Variants in NAALADL2 observed in about 807,000 individuals in gnomAD.
NAALADL2 encodes the protein inactive N-acetylated-alpha-linked acidic dipeptidase-like protein 2.
A neutral mutation model predicts 87.2 loss-of-function variants in NAALADL2; 76 were observed. The observed-to-expected ratio is 0.87, with a 90% CI of 0.72 to 1.05. The LOEUF is 1.05. Ranked by LOEUF, NAALADL2 falls within the 50% of genes least tolerant of loss-of-function variation. The pLI is 0.00. For synonymous variants in NAALADL2, 354 were observed against 331.0 expected (o/e 1.07, Z -0.75); for missense variants, 1,089 against 945.8 (o/e 1.15, Z -1.99).
At chr3:175,297,806 A>G (rs1411024440) in intron 4 of NAALADL2, among the ~76,000 whole-genome samples, 2 of 152,182 alleles carry the variant, frequency 1.3e-5, no homozygotes, top group East Asian at 1.9e-4. Context: ...GTAGGTTGGA[A>G]TAAGTTAACT....
intron 11 of NAALADL2, among the ~76,000 whole-genome samples, chr3:175,664,847 T>C (rs561953072): frequency 2.6e-5 from 4 of 152,286 alleles, no homozygotes; most frequent in African/African-American, 7.2e-5. Context: ...TGATTTTTTT[T>C]CCTATCAAAT....
At chr3:175,374,343 C>T (rs1230357411) in intron 5 of NAALADL2, among the ~76,000 whole-genome samples, 2 of 151,490 alleles carry the variant, frequency 1.3e-5, no homozygotes, top group African/African-American at 2.4e-5. Context: ...CATTTGAGAT[C>T]AGGAGTTCAA....
intron 11 of NAALADL2, among the ~76,000 whole-genome samples, chr3:175,645,253 C>A (rs1729838914): frequency 6.6e-6 from 1 of 151,944 alleles, no homozygotes; most frequent in Non-Finnish European, 1.5e-5. Flanking sequence ...GCCTCACATC[C>A]CGACTCAAAA....
chr3:175,317,103 A>G (rs895929344), intron 4 of NAALADL2, among the ~76,000 whole-genome samples: 3 of 152,098 alleles, frequency 2.0e-5, no homozygotes, highest in Non-Finnish European at 4.4e-5. Context: ...ATTACACCCT[A>G]TTGCTTAATT....
intron 2 of NAALADL2, among the ~76,000 whole-genome samples, chr3:175,159,988 T>C (rs1398868341): frequency 2.9e-5 from 4 of 137,574 alleles, no homozygotes; most frequent in Admixed American, 7.6e-5. Flanking sequence ...AGGCGTGTGC[T>C]ACCACTCGTG....
rs1576884383 is a variant in NAALADL2 at position 175,805,606 on chromosome 3, A to G, written c.*2403A>G. On this transcript the variant is annotated 3_prime_UTR_variant, in exon 14 of 14. Coordinates refer to ENST00000454872, the MANE Select transcript of NAALADL2 (RefSeq NM_207015.3). Reference sequence around the variant, plus strand: ...CACTCCCCTCCCCTCCCCACCCCCAATAGATTCAAATAAATAAAATCCTGA... The same window carrying G: ...CACTCCCCTCCCCTCCCCACCCCCAGTAGATTCAAATAAATAAAATCCTGA... The G allele has an allele frequency of 6.6e-6, 1 of 151,834 alleles. No individual in the cohort carries two copies. The highest frequency in any genetic ancestry group is 1.9e-4 in the East Asian group (1 of 5,140). 9.4% of individuals were successfully genotyped at this position (151,834 alleles called of 1,614,324 possible). A position where few individuals can be genotyped will look rare whatever the true frequency, so the allele number is the denominator to read the frequency against.
chr3:174,882,725 A>T (rs1336017628), intron 1 of NAALADL2, among the ~76,000 whole-genome samples: 1 of 143,282 alleles, frequency 7.0e-6, no homozygotes, highest in Non-Finnish European at 1.5e-5. Flanking sequence ...ATATATGTGT[A>T]TATGTGTATC....
chr3:175,111,338 T>C (rs1168852743), intron 2 of NAALADL2, among the ~76,000 whole-genome samples: 1 of 151,718 alleles, frequency 6.6e-6, no homozygotes, highest in Non-Finnish European at 1.5e-5. Flanking sequence ...TTCCAGAATC[T>C]GTACTTAAGC....
chr3:175,132,683 A>C (rs2108649569), intron 2 of NAALADL2, among the ~76,000 whole-genome samples: 1 of 121,676 alleles, frequency 8.2e-6, no homozygotes, highest in African/African-American at 3.5e-5. Context: ...TCCCTCCCGG[A>C]CGGGGCAGCT....
chr3:174,605,534 G>C (rs143216443), intron 2 of NAALADL2, among the ~76,000 whole-genome samples: 2,545 of 152,274 alleles, frequency 0.017, 82 homozygotes, highest in African/African-American at 0.057. Context: ...CTGGCTCGGA[G>C]GGTCCTACGC....
chr3:175,444,001 G>T lies in NAALADL2; in HGVS notation c.1091-3228G>T, dbSNP rs114249890. 9.7e-3 allele frequency among the ~76,000 whole-genome samples: 1,481 copies of T among 152,290 alleles called. 23 individuals are homozygous for T. The highest frequency in any genetic ancestry group is 0.034 in the African/African-American group (1,394 of 41,566). On this transcript the variant is annotated intron_variant, in intron 5 of 13. Coordinates refer to ENST00000454872, the MANE Select transcript of NAALADL2 (RefSeq NM_207015.3). ...AAAAACAAGTGAAGTAAGAGGAATG[G>T]CTTAAGCAAAAACATGGGGGACGTG...
intron 1 of NAALADL2, among the ~76,000 whole-genome samples, chr3:175,046,848 G>T (rs1032757641): frequency 1.3e-5 from 2 of 152,142 alleles, no homozygotes; most frequent in African/African-American, 4.8e-5. Flanking sequence ...CAGCAACCTA[G>T]AAGTCGGCCT....
chr3:174,537,797 G>C (rs1049349235), intron 1 of NAALADL2, among the ~76,000 whole-genome samples: 14 of 152,154 alleles, frequency 9.2e-5, no homozygotes, highest in African/African-American at 3.4e-4. Flanking sequence ...TACAGTGGCA[G>C]TTAAACTGGA....
At chr3:174,772,525 T>A (rs947069674) in intron 3 of NAALADL2, among the ~76,000 whole-genome samples, 4 of 152,144 alleles carry the variant, frequency 2.6e-5, no homozygotes, top group Admixed American at 1.3e-4. Flanking sequence ...CAGAGACTAT[T>A]GATTAAATAA....
intron 2 of NAALADL2, among the ~76,000 whole-genome samples, chr3:175,198,859 T>G (rs1044810604): frequency 2.0e-5 from 3 of 151,798 alleles, no homozygotes; most frequent in Non-Finnish European, 2.9e-5. Context: ...ATAAATACAG[T>G]GAGTTTTGCT....
intron 1 of NAALADL2, among the ~76,000 whole-genome samples, chr3:174,509,668 C>T (rs1455189308): frequency 6.7e-6 from 1 of 148,762 alleles, no homozygotes; most frequent in African/African-American, 2.5e-5. Context: ...CCTCGTAATC[C>T]GCCCACCTCG....
At chr3:175,164,464 A>C (rs1222027631) in intron 2 of NAALADL2, among the ~76,000 whole-genome samples, 1 of 152,096 alleles carries the variant, frequency 6.6e-6, no homozygotes, top group Non-Finnish European at 1.5e-5. Flanking sequence ...TGAATAGAAA[A>C]TTATTTAATT....
At chr3:175,489,620 T>A (rs541391246) in intron 9 of NAALADL2, among the ~76,000 whole-genome samples, 27 of 152,308 alleles carry the variant, frequency 1.8e-4, no homozygotes, top group Non-Finnish European at 3.5e-4. Context: ...ATTACCATAG[T>A]GTCTTATGTG....
At chr3:174,854,503 A>G (rs999915252), upstream of NAALADL2, among the ~76,000 whole-genome samples, 8 of 152,282 alleles carry the variant, frequency 5.3e-5, no homozygotes, top group East Asian at 9.7e-4. Flanking sequence ...ACAGTAATTT[A>G]TTGTACATTT....
Sources: allele counts gnomAD v4.1 joint callset (sites outside exome capture counted in the v4.1 genomes callset), GRCh38; gene constraint gnomAD v4.1.1; transcripts MANE v1.5; gene names NCBI Gene and HGNC (gene_info 2026-07-23, HGNC 2026-07-21).